EGFLAM: variants seen among roughly 807,000 people sequenced by gnomAD.
The protein encoded by EGFLAM is EGF like, fibronectin type III and laminin G domains, also known as pikachurin.
EGFLAM carries 79 observed loss-of-function variants against 113.1 expected under a neutral mutation model. The observed-to-expected ratio is 0.70, with a 90% confidence interval of 0.58 to 0.84. The LOEUF is 0.84. EGFLAM is among the 40% of genes least tolerant of loss of function. The probability of loss-of-function intolerance (pLI) is 0.00; values close to 1 mark genes in which losing one functional copy is unlikely to be tolerated. For missense variants in EGFLAM, 1,265 were observed against 1,291.6 expected, an observed-to-expected ratio of 0.98 and a Z score of 0.32; for synonymous variants, 504 against 487.6, an observed-to-expected ratio of 1.03 and a Z score of -0.44.
chr5:38,418,968 A>G (rs1741743888), intron 12 of EGFLAM, among the ~76,000 whole-genome samples: 1 of 152,132 alleles, frequency 6.6e-6, no homozygotes, highest in African/African-American at 2.4e-5. Context: ...TAAACATCAG[A>G]AATTAATTTT....
intron 1 of EGFLAM, among the ~76,000 whole-genome samples, chr5:38,326,586 C>G (rs1311611729): frequency 6.6e-6 from 1 of 151,938 alleles, no homozygotes; most frequent in Non-Finnish European, 1.5e-5. Flanking sequence ...GCAAGCTCTG[C>G]CTCCCAGGTT....
chr5:38,407,990 G>A, intron 9 of EGFLAM, 85 bp downstream of exon 9: 1 of 1,116,586 alleles, frequency 9.0e-7, no homozygotes, highest in Non-Finnish European at 1.3e-6. Context: ...GGGAGAGGAA[G>A]CGGGGCAGCA....
chr5:38,455,477 C>T (rs1383542229), intron 19 of EGFLAM, among the ~76,000 whole-genome samples: 1 of 151,796 alleles, frequency 6.6e-6, no homozygotes, highest in Non-Finnish European at 1.5e-5. Context: ...TATGTAAACA[C>T]TGAATCACTG....
At chr5:38,271,850 A>T (rs1305885912) in intron 1 of EGFLAM, among the ~76,000 whole-genome samples, 1 of 152,206 alleles carries the variant, frequency 6.6e-6, no homozygotes, top group African/African-American at 2.4e-5. Flanking sequence ...TGCCTAATGG[A>T]TTATCTTACA....
chr5:38,458,369 C>A lies in EGFLAM; in HGVS notation c.2746C>A (p.Arg916=). Residue 916 remains arginine (R), a synonymous_variant, in exon 20 of 22, where the codon CGG becomes AGG. Transcript: ENST00000322350. ...IMVNGSFNDG[R]WHRVKAVRDG... is the part of the protein sequence containing the mutation. ...GGTGAATGGCTCCTTCAACGATGGT[C>A]GGTGGCACCGAGTTAAGGCCGTTAG... 1 of 1,613,990 alleles carries A rather than the reference C, an allele frequency of 6.2e-7. No homozygotes were observed. Among genetic ancestry groups the A allele is most frequent in the South Asian group, 1.1e-5 (1 of 91,038 alleles).
At chr5:38,454,866 A>T (rs1399482783) in intron 19 of EGFLAM, among the ~76,000 whole-genome samples, 2 of 152,242 alleles carry the variant, frequency 1.3e-5, no homozygotes, top group Non-Finnish European at 2.9e-5. Context: ...AAACAATGGG[A>T]TTCTAAAAAT....
At chr5:38,397,611 A>G (rs1740995706) in intron 6 of EGFLAM, among the ~76,000 whole-genome samples, 1 of 150,644 alleles carries the variant, frequency 6.6e-6, no homozygotes, top group Admixed American at 6.7e-5. Flanking sequence ...AATATTTTCT[A>G]AGATAGGGTC....
intron 12 of EGFLAM, among the ~76,000 whole-genome samples, chr5:38,422,265 A>G (rs1358930677): frequency 2.0e-5 from 3 of 152,120 alleles, no homozygotes; most frequent in Non-Finnish European, 1.5e-5. Flanking sequence ...GACTTTACAT[A>G]TTGATAATGA....
intron 1 of EGFLAM, among the ~76,000 whole-genome samples, chr5:38,278,010 G>A (rs1236572228): frequency 1.3e-5 from 2 of 149,546 alleles, no homozygotes; most frequent in African/African-American, 4.9e-5. Flanking sequence ...ATATACCAAT[G>A]ACATTCTTCA....
At chr5:38,383,182 T>C (rs1161358881) in intron 6 of EGFLAM, among the ~76,000 whole-genome samples, 1 of 150,284 alleles carries the variant, frequency 6.7e-6, no homozygotes, top group Non-Finnish European at 1.5e-5. Flanking sequence ...TAATTTTAGA[T>C]TTTTTTCTGG....
At chr5:38,439,083 C>G (rs1742449968) in intron 17 of EGFLAM, among the ~76,000 whole-genome samples, 1 of 152,108 alleles carries the variant, frequency 6.6e-6, no homozygotes, top group Non-Finnish European at 1.5e-5. Context: ...GACAATGGAT[C>G]CAGAACATTT....
At chr5:38,259,799 T>C (rs1028971581) in intron 1 of EGFLAM, among the ~76,000 whole-genome samples, 5 of 152,320 alleles carry the variant, frequency 3.3e-5, no homozygotes, top group African/African-American at 1.2e-4. Context: ...CTGCAAAACC[T>C]CACAGAAAGT....
intron 6 of EGFLAM, among the ~76,000 whole-genome samples, chr5:38,380,580 G>A (rs1242666305): frequency 6.6e-6 from 1 of 152,168 alleles, no homozygotes; most frequent in African/African-American, 2.4e-5. Flanking sequence ...CAGTAGGAGC[G>A]ATAAATAATT....
chr5:38,445,363 A>G (rs1742671982), intron 17 of EGFLAM: 1 of 378,020 alleles, frequency 2.6e-6, no homozygotes, highest in Non-Finnish European at 3.6e-6. Context: ...TGTCAGTTGA[A>G]GGTGAGGGAG....
chr5:38,436,212 C>G (rs1323589047), intron 16 of EGFLAM, among the ~76,000 whole-genome samples: 1 of 152,152 alleles, frequency 6.6e-6, no homozygotes, highest in Non-Finnish European at 1.5e-5. Flanking sequence ...ACTCCCCAGC[C>G]CAGGTGGGCA....
intron 5 of EGFLAM, among the ~76,000 whole-genome samples, chr5:38,359,702 C>T (rs1739871358): frequency 6.6e-6 from 1 of 152,120 alleles, no homozygotes; most frequent in South Asian, 2.1e-4. Flanking sequence ...CTACTATTGG[C>T]TTATTTTGGG....
intron 4 of EGFLAM, 130 bp from the exon 5 acceptor site, chr5:38,352,066 G>C (rs555583399): frequency 2.3e-6 from 3 of 1,318,916 alleles, no homozygotes; most frequent in Admixed American, 4.6e-5. Context: ...TTTGGGTATA[G>C]GAAGCACTCG....
At chr5:38,445,675 G>T (rs1202609230) in intron 17 of EGFLAM, 16 of 1,598,496 alleles carry the variant, frequency 1.0e-5, no homozygotes, top group Non-Finnish European at 1.4e-5. Flanking sequence ...CTGGCACCGG[G>T]CAGAGTGTGG....
chr5:38,463,569 C>G (rs547145968), intron 21 of EGFLAM, among the ~76,000 whole-genome samples: 8 of 152,270 alleles, frequency 5.3e-5, no homozygotes, highest in African/African-American at 1.7e-4. Flanking sequence ...GTCAGTTGGG[C>G]CAGAAATCAC....
Sources: allele counts gnomAD v4.1 joint callset (sites outside exome capture counted in the v4.1 genomes callset), GRCh38; gene constraint gnomAD v4.1.1; transcripts MANE v1.5; gene names NCBI Gene and HGNC (gene_info 2026-07-23, HGNC 2026-07-21).